Variants in FAH observed in about 807,000 individuals in gnomAD.
FAH encodes the protein fumarylacetoacetase.
FAH carries 47 observed loss-of-function variants against 55.8 expected under a neutral mutation model. The ratio of observed to expected loss-of-function variants is 0.84; its 90% CI spans 0.67 to 1.07. The LOEUF (loss-of-function observed/expected upper bound fraction) is 1.07. Among genes scored for constraint, FAH ranks in the 50% least tolerant of loss-of-function variants. The pLI is 0.00. For missense variants in FAH, 495 were observed against 545.9 expected, an observed-to-expected ratio of 0.91 and a Z score of 0.93; for synonymous variants, 199 against 207.7, an observed-to-expected ratio of 0.96 and a Z score of 0.36.
At chr15:80,157,915 G>A (rs1486706715) in intron 1 of FAH, 145 bp from the exon 2 acceptor site, 4 of 703,790 alleles carry the variant, frequency 5.7e-6, no homozygotes, top group Non-Finnish European at 1.0e-5. Flanking sequence ...GCAGGATGCT[G>A]AGAACATGGT....
rs758685960 is a variant in FAH, at chr15:80,153,096, C to A, written c.42C>A (p.Ile14=). ...TGGCCGAGGATTCCGACTTCCCCATCCACAACCTGCCCTACGGCGTCTTCT... is the reference window on the plus strand; with the variant it reads ...TGGCCGAGGATTCCGACTTCCCCATACACAACCTGCCCTACGGCGTCTTCT... ...IPVAEDSDFP[I]HNLPYGVFST... The change falls in exon 1 of 14, where the codon ATC becomes ATA. Residue 14 remains isoleucine (I), a synonymous_variant. Transcript: ENST00000561421. 1 of 1,613,960 alleles carries A rather than the reference C, an allele frequency of 6.2e-7. No individual in the cohort carries two copies. The highest frequency in any genetic ancestry group is 1.7e-5 in the Admixed American group (1 of 60,032).
intron 1 of FAH, 36 bp downstream of exon 1, chr15:80,153,171 G>GGGGAGGGGAGT (rs1555440094): frequency 1.6e-6 from 2 of 1,234,468 alleles, no homozygotes; most frequent in African/African-American, 3.5e-5. Context: ...GGCGCGGGGA[G>GGGGAGGGGAGT]GGAGTGGAGT....
At position 80,175,060 on chromosome 15, in the gene FAH, A is replaced by G. The variant is rs2142103341; in HGVS notation, c.882A>G (p.Thr294=). Residue 294 remains threonine (T), a synonymous_variant, in exon 10 of 14, where the codon ACA becomes ACG. Coordinates refer to ENST00000561421, the MANE Select transcript of FAH (RefSeq NM_000137.4). ...ATCTGTGCCATGACGAGCCCTACACATTTGACATCAACCTCTCTGTTAACC... is the reference window on the plus strand; with the variant it reads ...ATCTGTGCCATGACGAGCCCTACACGTTTGACATCAACCTCTCTGTTAACC... The part of the protein sequence containing the change: ...LPYLCHDEPY[T]FDINLSVNLK... The G allele has an allele frequency of 6.2e-7, 1 of 1,614,106 alleles. No homozygotes were observed. The highest frequency in any genetic ancestry group is 8.5e-7 in the Non-Finnish European group (1 of 1,180,008).
Position 80,155,788 on chromosome 15 carries a change from C to T in FAH, c.82-2272C>T, listed in dbSNP as rs528013959. Among the ~76,000 whole-genome samples, 7 of 152,166 alleles carry T rather than the reference C, an allele frequency of 4.6e-5. No individual in the cohort carries two copies. The East Asian group carries it at 9.6e-4, about 21-fold the overall frequency. On this transcript the variant is annotated intron_variant, in intron 1 of 13. Transcript: ENST00000561421. ...TCAAGCAAGTCATGTGATCATGGGACGGGGGCTCTTCCCTCTAAGGTAGCC... is the reference window on the plus strand; with the variant it reads ...TCAAGCAAGTCATGTGATCATGGGATGGGGGCTCTTCCCTCTAAGGTAGCC...
intron 7 of FAH, among the ~76,000 whole-genome samples, chr15:80,169,587 G>A (rs773045132): frequency 6.6e-6 from 1 of 151,844 alleles, no homozygotes; most frequent in Non-Finnish European, 1.5e-5. Flanking sequence ...AGGCTGGAGT[G>A]CAGTGGCACT....
At chr15:80,153,205 G>GTGGAGTGGAGTGGAA in intron 1 of FAH, 70 bp downstream of exon 1, 1 of 1,191,416 alleles carries the variant, frequency 8.4e-7, no homozygotes, top group African/African-American at 1.5e-5. Context: ...GTGGAGTGGA[G>GTGGAGTGGAGTGGAA]TGGAGTGGAA....
At chr15:80,166,907 T>A (rs1048304167) in intron 5 of FAH, 1 of 152,160 alleles carries the variant, frequency 6.6e-6, no homozygotes, top group Non-Finnish European at 1.5e-5. Context: ...AGTGCTGGGA[T>A]TACAGGCCTG....
chr15:80,155,413 C>G (rs1595889170), intron 1 of FAH, among the ~76,000 whole-genome samples: 1 of 152,288 alleles, frequency 6.6e-6, no homozygotes, highest in South Asian at 2.1e-4. Context: ...TGTCCCCATT[C>G]TACAGATGAG....
At chr15:80,177,253 TAAG>T (rs2041291614) in intron 10 of FAH, among the ~76,000 whole-genome samples, 1 of 152,160 alleles carries the variant, frequency 6.6e-6, no homozygotes, top group Non-Finnish European at 1.5e-5. Flanking sequence ...ATCACTGTGT[TAAG>T]AAGGATTCTG....
At chr15:80,183,124 C>T (rs910037510) in intron 13 of FAH, among the ~76,000 whole-genome samples, 9 of 152,258 alleles carry the variant, frequency 5.9e-5, no homozygotes, top group African/African-American at 2.2e-4. Flanking sequence ...TATACAACGC[C>T]TTACTCCGGA....
chr15:80,170,186 A>G (rs1420723072), intron 7 of FAH, among the ~76,000 whole-genome samples: 1 of 152,196 alleles, frequency 6.6e-6, no homozygotes, highest in Admixed American at 6.5e-5. Flanking sequence ...CTGATGCCCA[A>G]GGTTGGAGTC....
At chr15:80,179,714 C>T (rs1473920560) in intron 11 of FAH, among the ~76,000 whole-genome samples, 2 of 152,212 alleles carry the variant, frequency 1.3e-5, no homozygotes, top group African/African-American at 4.8e-5. Context: ...CGAGAAGCCT[C>T]TGCTGTGGTG....
intron 7 of FAH, among the ~76,000 whole-genome samples, chr15:80,171,534 T>C (rs1471066424): frequency 6.6e-6 from 1 of 152,216 alleles, no homozygotes; most frequent in Non-Finnish European, 1.5e-5. Flanking sequence ...GATCTCGGCC[T>C]GCTGCAGCCT....
At chr15:80,169,966 A>G (rs1023065133) in intron 7 of FAH, among the ~76,000 whole-genome samples, 1 of 152,200 alleles carries the variant, frequency 6.6e-6, no homozygotes, top group Non-Finnish European at 1.5e-5. Context: ...CTTCGTAACC[A>G]TGGTGCTCTA....
chr15:80,166,696 G>A (rs1399755005), intron 5 of FAH, among the ~76,000 whole-genome samples: 2 of 147,682 alleles, frequency 1.4e-5, no homozygotes, highest in African/African-American at 5.1e-5. Flanking sequence ...GAGTGCAGTG[G>A]CACCATCTCG....
chr15:80,162,321 C>A lies in FAH; in HGVS notation c.440C>A (p.Ala147Glu), dbSNP rs755234891. 1.9e-6 allele frequency: 3 copies of A among 1,613,592 alleles called. No homozygotes were observed. Among genetic ancestry groups the A allele is most frequent in the South Asian group, 2.2e-5 (2 of 91,080 alleles). ...VGIMFRDKEN[A>E]LMPNWLHLPV... ...ATCATGTTCAGGGACAAGGAGAATG[C>A]GTTGATGCCAAATTGGTATGAACTG... The change falls in exon 5 of 14, where the codon GCG (alanine) becomes GAG (glutamate). Residue 147 changes from alanine (A) to glutamate (E), a missense_variant. Transcript: ENST00000561421.
intron 5 of FAH, chr15:80,162,637 T>C (rs1298250821): frequency 1.1e-5 from 5 of 450,826 alleles, no homozygotes; most frequent in Non-Finnish European, 2.1e-5. Context: ...CTGTGTATTA[T>C]TGTACTATGG....
chr15:80,165,589 G>A (rs1261353343), intron 5 of FAH, among the ~76,000 whole-genome samples: 2 of 151,992 alleles, frequency 1.3e-5, no homozygotes, highest in South Asian at 4.1e-4. Context: ...CGGCTACTTG[G>A]GAGGCTGAGG....
At chr15:80,165,809 A>G (rs1374723722) in intron 5 of FAH, 1 of 152,172 alleles carries the variant, frequency 6.6e-6, no homozygotes. Flanking sequence ...AAGGGAGGGA[A>G]GGAGAGTGAG....
Sources: gnomAD v4.1 joint callset for allele counts (sites outside exome capture counted in the v4.1 genomes callset) on GRCh38, gnomAD v4.1.1 for gene constraint, MANE v1.5 for transcripts, NCBI Gene and HGNC (gene_info 2026-07-23, HGNC 2026-07-21) for gene names.